CNTN3: variants seen among roughly 807,000 people sequenced by gnomAD.
CNTN3 encodes contactin 3, also known as contactin-3.
In CNTN3, 60 loss-of-function variants were observed where a neutral mutation model predicts 119.1. The observed-to-expected ratio is 0.50, with a 90% CI of 0.41 to 0.62. The LOEUF is 0.62. Among genes scored for constraint, CNTN3 ranks in the 20% least tolerant of loss-of-function variants. The probability of loss-of-function intolerance (pLI) is 0.00; values close to 1 mark genes in which losing one functional copy is unlikely to be tolerated. For synonymous variants in CNTN3, 450 were observed against 438.7 expected (o/e 1.03, Z -0.32); for missense variants, 1,101 against 1,242.4 (o/e 0.89, Z 1.71).
chr3:74,558,771 C>T (rs1704107760), intron 1 of CNTN3, among the ~76,000 whole-genome samples: 1 of 151,974 alleles, frequency 6.6e-6, no homozygotes, highest in Non-Finnish European at 1.5e-5. Flanking sequence ...CACATGAGGC[C>T]AGGAGTTTGA....
intron 5 of CNTN3, among the ~76,000 whole-genome samples, chr3:74,382,116 G>A (rs995512255): frequency 1.4e-4 from 22 of 152,170 alleles, no homozygotes; most frequent in African/African-American, 5.3e-4. Flanking sequence ...TCTGAGGCAG[G>A]AGAATCACTT....
intron 4 of CNTN3, among the ~76,000 whole-genome samples, chr3:74,426,694 A>G (rs1328397503): frequency 6.6e-6 from 1 of 152,224 alleles, no homozygotes; most frequent in African/African-American, 2.4e-5. Context: ...AAATGATACA[A>G]TAACATAGCG....
At chr3:74,335,433 T>C (rs1346292572) in intron 12 of CNTN3, among the ~76,000 whole-genome samples, 1 of 152,090 alleles carries the variant, frequency 6.6e-6, no homozygotes, top group Non-Finnish European at 1.5e-5. Flanking sequence ...AACGCAAATG[T>C]CCACATGCAC....
intron 1 of CNTN3, among the ~76,000 whole-genome samples, chr3:74,567,047 G>C (rs991187055): frequency 6.6e-6 from 1 of 152,116 alleles, no homozygotes; most frequent in Non-Finnish European, 1.5e-5. Flanking sequence ...GAGCAGGCTG[G>C]AGAGCGTAGC....
intron 4 of CNTN3, among the ~76,000 whole-genome samples, chr3:74,426,185 A>G (rs1380095359): frequency 6.6e-6 from 1 of 152,032 alleles, no homozygotes; most frequent in Non-Finnish European, 1.5e-5. Flanking sequence ...AAGAGGAAGA[A>G]AGATCTGTTT....
At chr3:74,613,225 C>T (rs1402241158) in intron 1 of CNTN3, among the ~76,000 whole-genome samples, 2 of 148,970 alleles carry the variant, frequency 1.3e-5, no homozygotes, top group African/African-American at 4.9e-5. Flanking sequence ...TGATATTCAT[C>T]TCTGTGGGGG....
chr3:74,391,094 C>T (rs1219322179), intron 5 of CNTN3, among the ~76,000 whole-genome samples: 2 of 152,144 alleles, frequency 1.3e-5, no homozygotes, highest in East Asian at 3.9e-4. Context: ...CCCCATAAAA[C>T]ATGATGACCA....
intron 20 of CNTN3, among the ~76,000 whole-genome samples, chr3:74,278,077 C>T (rs1469819111): frequency 2.7e-5 from 4 of 150,082 alleles, no homozygotes; most frequent in Non-Finnish European, 4.4e-5. Context: ...AAGACCTCTA[C>T]AAGGAAAACT....
intron 13 of CNTN3, among the ~76,000 whole-genome samples, chr3:74,303,255 T>G (rs548736584): frequency 1.3e-5 from 2 of 152,096 alleles, no homozygotes; most frequent in Non-Finnish European, 2.9e-5. Context: ...GACAAGCGGA[T>G]TACCATGGTT....
intron 5 of CNTN3, among the ~76,000 whole-genome samples, chr3:74,388,143 A>T (rs1704803406): frequency 2.6e-5 from 4 of 152,156 alleles, no homozygotes; most frequent in Admixed American, 2.6e-4. Context: ...GATACATGTA[A>T]TTTCACTGAA....
intron 4 of CNTN3, among the ~76,000 whole-genome samples, chr3:74,447,163 C>T (rs899114472): frequency 2.6e-5 from 4 of 152,114 alleles, no homozygotes; most frequent in Non-Finnish European, 5.9e-5. Context: ...GGGGAACCAT[C>T]ACCATACTTA....
chr3:74,464,214 G>A (rs1414887915), intron 4 of CNTN3, among the ~76,000 whole-genome samples: 1 of 152,016 alleles, frequency 6.6e-6, no homozygotes, highest in Non-Finnish European at 1.5e-5. Flanking sequence ...TACTGTGCTT[G>A]GTCCATAATA....
chr3:74,531,949 A>C (rs2107136368), intron 1 of CNTN3, among the ~76,000 whole-genome samples: 1 of 152,064 alleles, frequency 6.6e-6, no homozygotes, highest in East Asian at 1.9e-4. Flanking sequence ...TACACTAATA[A>C]GAGTGAATTT....
intron 18 of CNTN3, among the ~76,000 whole-genome samples, 174 bp from the exon 19 acceptor site, chr3:74,295,410 G>C (rs1042956589): frequency 2.6e-5 from 4 of 152,184 alleles, no homozygotes; most frequent in Non-Finnish European, 4.4e-5. Flanking sequence ...CTTAGGAAAA[G>C]ATGGCATCAT....
intron 1 of CNTN3, among the ~76,000 whole-genome samples, chr3:74,560,181 G>A (rs1253250905): frequency 1.3e-5 from 2 of 152,114 alleles, no homozygotes; most frequent in Non-Finnish European, 2.9e-5. Flanking sequence ...ACTCTTTAAT[G>A]TATAAGTTCC....
intron 5 of CNTN3, among the ~76,000 whole-genome samples, chr3:74,374,078 C>T (rs550082137): frequency 2.0e-5 from 3 of 152,078 alleles, no homozygotes; most frequent in Non-Finnish European, 4.4e-5. Flanking sequence ...AATGCTGGCT[C>T]GTTCCTGCCC....
At chr3:74,277,480 T>C (rs1701904845) in intron 20 of CNTN3, among the ~76,000 whole-genome samples, 1 of 152,124 alleles carries the variant, frequency 6.6e-6, no homozygotes, top group Non-Finnish European at 1.5e-5. Flanking sequence ...AGTCAATAAA[T>C]GTGAAACACC....
At chr3:74,556,339 A>G (rs1375533262) in intron 1 of CNTN3, among the ~76,000 whole-genome samples, 3 of 152,092 alleles carry the variant, frequency 2.0e-5, no homozygotes, top group Admixed American at 6.6e-5. Flanking sequence ...GAAACCATTC[A>G]TTTATTTTTT....
Position 74,435,065 on chromosome 3 carries a change from G to T in CNTN3, c.359-10125C>A, listed in dbSNP as rs150924439. Among the ~76,000 whole-genome samples, 512 of 152,038 alleles carry T rather than the reference G, an allele frequency of 3.4e-3. 4 individuals are homozygous for T. The highest frequency in any genetic ancestry group is 5.4e-3 in the Admixed American group (83 of 15,274). On this transcript the variant is annotated intron_variant, in intron 4 of 22. Coordinates refer to ENST00000263665, the MANE Select transcript of CNTN3 (RefSeq NM_020872.3). ...TTTGGCTCTTTCTTTTCCTACATTTGCTCAATACATTAAATTTGATCAAGT... is the reference window on the plus strand; with the variant it reads ...TTTGGCTCTTTCTTTTCCTACATTTTCTCAATACATTAAATTTGATCAAGT...
Sources: allele counts gnomAD v4.1 joint callset (sites outside exome capture counted in the v4.1 genomes callset), GRCh38; gene constraint gnomAD v4.1.1; transcripts MANE v1.5; gene names NCBI Gene and HGNC (gene_info 2026-07-23, HGNC 2026-07-21).